Variants in MPRIP observed in about 807,000 individuals in gnomAD.
MPRIP encodes the protein myosin phosphatase Rho-interacting protein.
A neutral mutation model predicts 234.9 loss-of-function variants in MPRIP; 59 were observed. The observed-to-expected ratio is 0.25, with a 90% CI of 0.20 to 0.31. The LOEUF (loss-of-function observed/expected upper bound fraction) is 0.31, where lower values mean the gene tolerates loss of function less well. Ranked by LOEUF, MPRIP falls within the 10% of genes least tolerant of loss-of-function variation. The pLI, the probability that MPRIP is intolerant of heterozygous loss-of-function variation, is 1.00. For synonymous variants in MPRIP, 1,144 were observed against 1,263.9 expected (o/e 0.91, Z 2.01); for missense variants, 2,436 against 3,071.0 (o/e 0.79, Z 4.89).
chr17:17,059,634 A>G (rs1264970692), intron 1 of MPRIP, among the ~76,000 whole-genome samples: 3 of 152,172 alleles, frequency 2.0e-5, no homozygotes, highest in African/African-American at 4.8e-5. Flanking sequence ...GCTCCCTGGC[A>G]TGGTGCTGAG....
At chr17:17,085,997 A>C (rs1325970751) in intron 3 of MPRIP, among the ~76,000 whole-genome samples, 1 of 152,262 alleles carries the variant, frequency 6.6e-6, no homozygotes, top group Non-Finnish European at 1.5e-5. Context: ...CCCAGATCAC[A>C]GACCTGTTCA....
chr17:17,091,149 G>A (rs1464063016), intron 3 of MPRIP, among the ~76,000 whole-genome samples: 1 of 152,052 alleles, frequency 6.6e-6, no homozygotes, highest in East Asian at 1.9e-4. Flanking sequence ...TGCTTGCCTG[G>A]CCCTGACTTC....
At chr17:17,173,653 G>C (rs2046192739) in intron 18 of MPRIP, 1 of 599,502 alleles carries the variant, frequency 1.7e-6, no homozygotes, top group African/African-American at 1.8e-5. Context: ...GGTTCTGTGT[G>C]GCTGCAGACT....
chr17:17,077,044 T>G (rs796947177), intron 2 of MPRIP: 5 of 151,226 alleles, frequency 3.3e-5, no homozygotes, highest in African/African-American at 1.2e-4. Flanking sequence ...CAGGTTCATG[T>G]GATCCTCTTA....
chr17:17,054,441 T>G (rs2143869458), intron 1 of MPRIP, among the ~76,000 whole-genome samples: 1 of 152,340 alleles, frequency 6.6e-6, no homozygotes, highest in Middle Eastern at 3.4e-3. Flanking sequence ...TCCAGTTCAA[T>G]GTCACCGGTA....
At chr17:17,141,553 G>C (rs58629002) in intron 7 of MPRIP, 1 of 152,482 alleles carries the variant, frequency 6.6e-6, no homozygotes, top group Non-Finnish European at 1.5e-5. Flanking sequence ...TCCTCTCTCC[G>C]GGGGTGAAGA....
At chr17:17,102,523 C>G (rs1379887546) in intron 3 of MPRIP, among the ~76,000 whole-genome samples, 1 of 152,254 alleles carries the variant, frequency 6.6e-6, no homozygotes, top group Non-Finnish European at 1.5e-5. Flanking sequence ...AGCAGGTCCA[C>G]CCATGACTAG....
At chr17:17,106,744 CCAT>C (rs2090070674) in intron 3 of MPRIP, among the ~76,000 whole-genome samples, 1 of 152,210 alleles carries the variant, frequency 6.6e-6, no homozygotes. Flanking sequence ...CACCACTATG[CCAT>C]CATAACTGAC....
At chr17:17,098,972 G>A (rs931473272) in intron 3 of MPRIP, among the ~76,000 whole-genome samples, 1 of 152,218 alleles carries the variant, frequency 6.6e-6, no homozygotes, top group Non-Finnish European at 1.5e-5. Context: ...AAAGCAGGGG[G>A]TAGTGGGGTG....
At position 17,158,699 on chromosome 17, in the gene MPRIP, G is replaced by A. The variant is rs757812941; in HGVS notation, c.2097G>A (p.Leu699=). Residue 699 remains leucine (L), a synonymous_variant, in exon 14 of 24, where the codon CTG becomes CTA. Transcript: ENST00000651222. ...PLRPEAEPGE[L]ERERARRREE... is the part of the protein sequence containing the mutation. ...GCCCTGAGGCGGAGCCTGGGGAGCT[G>A]GAGCGGGAGCGTGCACGGAGGCGGG... 1 of 1,609,382 alleles carries A rather than the reference G, an allele frequency of 6.2e-7. No individual in the cohort carries two copies. Among genetic ancestry groups the A allele is most frequent in the Non-Finnish European group, 8.5e-7 (1 of 1,179,234 alleles).
rs2046445007 is a variant in MPRIP at position 17,184,864 on chromosome 17, CT to C, written c.7251del (p.Phe2417LeufsTer6). On this transcript the variant is annotated frameshift_variant, in exon 24 of 24. Coordinates refer to ENST00000651222, the MANE Select transcript of MPRIP (RefSeq NM_001364716.4). LOFTEE classifies it high-confidence loss of function. ...GLTVQERLKLFESRDLKKD is the reference protein window; with the variant it reads ...GLTVQERLKLXESRDLKKD Reference sequence around the variant, plus strand: ...TGACGGTGCAAGAACGGTTGAAGCTCTTTGAATCCAGGGACTTGAAGAAAGA... The same window carrying C: ...TGACGGTGCAAGAACGGTTGAAGCTCTTGAATCCAGGGACTTGAAGAAAGA... 1 of 1,613,080 alleles carries C rather than the reference CT, an allele frequency of 6.2e-7. No individual in the cohort carries two copies. Among genetic ancestry groups the C allele is most frequent in the South Asian group, 1.1e-5 (1 of 91,026 alleles).
intron 3 of MPRIP, among the ~76,000 whole-genome samples, chr17:17,113,505 A>G (rs2090214961): frequency 6.6e-6 from 1 of 152,228 alleles, no homozygotes; most frequent in African/African-American, 2.4e-5. Flanking sequence ...ATTATATGGC[A>G]GTGTATATAC....
chr17:17,069,639 C>A (rs2089146536), intron 1 of MPRIP, among the ~76,000 whole-genome samples: 1 of 151,940 alleles, frequency 6.6e-6, no homozygotes, highest in Non-Finnish European at 1.5e-5. Context: ...CATAACTTGT[C>A]ACAGTCTCTT....
intron 16 of MPRIP, chr17:17,168,631 G>C (rs907233180): frequency 1.5e-4 from 54 of 351,092 alleles, no homozygotes; most frequent in South Asian, 1.1e-3. Flanking sequence ...AGGCCCAGCT[G>C]TCTGGCCCCA....
At chr17:17,121,542 C>G (rs2090389078) in intron 3 of MPRIP, among the ~76,000 whole-genome samples, 1 of 152,244 alleles carries the variant, frequency 6.6e-6, no homozygotes, top group African/African-American at 2.4e-5. Flanking sequence ...GGCATGGGCG[C>G]AAACATGAGC....
intron 3 of MPRIP, among the ~76,000 whole-genome samples, chr17:17,113,880 C>CTTTTTTTTTTTT (rs1236846171): frequency 3.4e-4 from 32 of 93,210 alleles, no homozygotes; most frequent in African/African-American, 1.1e-3. Context: ...CTTTTCTTTT[C>CTTTTTTTTTTTT]TTTTCTTTTT....
At chr17:17,091,426 C>T (rs779788609) in intron 3 of MPRIP, among the ~76,000 whole-genome samples, 9 of 152,132 alleles carry the variant, frequency 5.9e-5, no homozygotes, top group Non-Finnish European at 1.3e-4. Flanking sequence ...GTGCAGCATC[C>T]CTCCCTGCCC....
At chr17:17,123,558 G>A (rs755606219) in intron 3 of MPRIP, among the ~76,000 whole-genome samples, 1 of 151,894 alleles carries the variant, frequency 6.6e-6, no homozygotes, top group Admixed American at 6.6e-5. Context: ...ACAAAAATTA[G>A]CTGGGTGTGG....
chr17:17,069,477 G>C (rs1371808428), intron 1 of MPRIP, among the ~76,000 whole-genome samples: 1 of 142,826 alleles, frequency 7.0e-6, no homozygotes, highest in Non-Finnish European at 1.5e-5. Flanking sequence ...TTTCTGTTTT[G>C]TTTTGCTTTT....
Sources: gnomAD v4.1 joint callset for allele counts (sites outside exome capture counted in the v4.1 genomes callset) on GRCh38, gnomAD v4.1.1 for gene constraint, MANE v1.5 for transcripts, NCBI Gene and HGNC (gene_info 2026-07-23, HGNC 2026-07-21) for gene names.